The following SH3PXD2A variants were observed in gnomAD, a reference collection of about 807,000 sequenced individuals.
SH3PXD2A encodes SH3 and PX domain-containing protein 2A.
SH3PXD2A carries 32 observed loss-of-function variants against 115.2 expected under a neutral mutation model. The ratio of observed to expected loss-of-function variants is 0.28; its 90% CI spans 0.21 to 0.37. The LOEUF (loss-of-function observed/expected upper bound fraction) is 0.37. Among genes scored for constraint, SH3PXD2A ranks in the 10% least tolerant of loss-of-function variants. SH3PXD2A has a pLI of 1.00. For missense variants in SH3PXD2A, 1,328 were observed against 1,498.7 expected (o/e 0.89, Z 1.88); for synonymous variants, 610 against 629.1 (o/e 0.97, Z 0.45).
chr10:103,790,279 C>T (rs542252726), intron 2 of SH3PXD2A, among the ~76,000 whole-genome samples: 107 of 152,062 alleles, frequency 7.0e-4, no homozygotes, highest in African/African-American at 1.3e-3. Context: ...CTCAGCCTCC[C>T]GGGTAGCTGG....
rs959798954 is a variant in SH3PXD2A at position 103,821,427 on chromosome 10, C to T, written c.73-20065G>A. 2.0e-5 allele frequency among the ~76,000 whole-genome samples: 3 copies of T among 152,176 alleles called. No homozygotes were observed. The South Asian group carries it at 6.2e-4, about 31-fold the overall frequency. ...TACAGGCGTGAGCCACCACACCTGG[C>T]GTTCATTCTTTTTATTTCCTAGATT... is the stretch of plus-strand genomic sequence containing the variant. On this transcript the variant is annotated intron_variant, in intron 1 of 14. Coordinates refer to ENST00000369774, the MANE Select transcript of SH3PXD2A (RefSeq NM_001394015.1).
intron 8 of SH3PXD2A, among the ~76,000 whole-genome samples, chr10:103,638,710 C>T (rs1391208768): frequency 2.6e-5 from 4 of 152,230 alleles, no homozygotes. Flanking sequence ...CCTTGAAAAG[C>T]CTTCAGAATA....
chr10:103,787,090 C>G (rs536449625), intron 2 of SH3PXD2A, among the ~76,000 whole-genome samples: 1 of 152,332 alleles, frequency 6.6e-6, no homozygotes, highest in East Asian at 1.9e-4. Context: ...ACTTATCAAG[C>G]CTATCTGAAC....
chr10:103,654,092 C>G (rs2037173289), intron 8 of SH3PXD2A, among the ~76,000 whole-genome samples: 1 of 152,116 alleles, frequency 6.6e-6, no homozygotes, highest in Non-Finnish European at 1.5e-5. Flanking sequence ...CTTGTCTTCA[C>G]CCCTGACACT....
intron 6 of SH3PXD2A, chr10:103,678,214 C>G (rs895317133): frequency 2.5e-6 from 3 of 1,220,250 alleles, no homozygotes; most frequent in Admixed American, 2.3e-5. Flanking sequence ...CTGGGAGCCC[C>G]TGAGCCTTTC....
At chr10:103,625,161 C>A (rs1482869006) in intron 9 of SH3PXD2A, among the ~76,000 whole-genome samples, 1 of 152,214 alleles carries the variant, frequency 6.6e-6, no homozygotes, top group African/African-American at 2.4e-5. Flanking sequence ...AAAGCACCTG[C>A]CTTCTGTTCC....
chr10:103,788,907 G>A (rs2039005670), intron 2 of SH3PXD2A, among the ~76,000 whole-genome samples: 1 of 152,068 alleles, frequency 6.6e-6, no homozygotes, highest in Non-Finnish European at 1.5e-5. Context: ...ATAAACTAGT[G>A]TCCCTGAGAC....
chr10:103,693,782 T>TG (rs1012643806), intron 5 of SH3PXD2A, among the ~76,000 whole-genome samples: 5 of 151,012 alleles, frequency 3.3e-5, no homozygotes, highest in Admixed American at 6.6e-5. Context: ...GAGCGGGTAG[T>TG]GGGGGGGACA....
chr10:103,613,213 C>T (rs202185501), intron 11 of SH3PXD2A, 23 bp from the exon 12 acceptor site: 23 of 1,554,866 alleles, frequency 1.5e-5, no homozygotes, highest in Non-Finnish European at 2.0e-5. Flanking sequence ...GCAGGATGTG[C>T]TATCATTAGA....
chr10:103,615,538 TG>T (rs138417137), intron 11 of SH3PXD2A, among the ~76,000 whole-genome samples: 1,423 of 75,036 alleles, frequency 0.019, 20 homozygotes, highest in African/African-American at 0.057. Flanking sequence ...GTGTAGGGGT[TG>T]GGGGAGGAGA....
At chr10:103,814,141 G>A (rs1406502099) in intron 1 of SH3PXD2A, among the ~76,000 whole-genome samples, 4 of 152,010 alleles carry the variant, frequency 2.6e-5, no homozygotes, top group Non-Finnish European at 4.4e-5. Flanking sequence ...TTTTCTCAAA[G>A]TTCTGCTTCC....
chr10:103,770,829 GA>G lies in SH3PXD2A; in HGVS notation c.154-3661del, dbSNP rs575234259. 3.7e-4 allele frequency among the ~76,000 whole-genome samples: 57 copies of G among 152,284 alleles called. 1 individual carries two copies. Among genetic ancestry groups the G allele is most frequent in the Admixed American group, 1.7e-3 (26 of 15,306 alleles). On this transcript the variant is annotated intron_variant, in intron 2 of 14. Coordinates refer to ENST00000369774, the MANE Select transcript of SH3PXD2A (RefSeq NM_001394015.1). ...ACTGTTGGATATTTAGGTTGTTTCTGACTTCTCACTACTATATATAGCACTG... is the reference window on the plus strand; with the variant it reads ...ACTGTTGGATATTTAGGTTGTTTCTGCTTCTCACTACTATATATAGCACTG...
At chr10:103,669,572 C>T (rs116844283) in intron 6 of SH3PXD2A, among the ~76,000 whole-genome samples, 2,449 of 152,312 alleles carry the variant, frequency 0.016, 24 homozygotes, top group Middle Eastern at 0.034. Flanking sequence ...CTCATTTAGT[C>T]CCCATGGCAA....
chr10:103,776,591 G>A, intron 2 of SH3PXD2A, among the ~76,000 whole-genome samples: 1 of 152,070 alleles, frequency 6.6e-6, no homozygotes, highest in East Asian at 1.9e-4. Context: ...GGTATGGGCA[G>A]GTTGGTTCCC....
At chr10:103,661,902 G>A in intron 7 of SH3PXD2A, 1 of 985,128 alleles carries the variant, frequency 1.0e-6, no homozygotes. Context: ...GGCGAGCCCA[G>A]CCCGCCCCCC....
At chr10:103,731,710 T>C (rs932918717) in intron 4 of SH3PXD2A, among the ~76,000 whole-genome samples, 7 of 152,124 alleles carry the variant, frequency 4.6e-5, no homozygotes, top group African/African-American at 1.7e-4. Context: ...AGAACAACAT[T>C]ACTCTCCTCA....
intron 3 of SH3PXD2A, among the ~76,000 whole-genome samples, chr10:103,765,637 C>T (rs2038746258): frequency 6.6e-6 from 1 of 152,214 alleles, no homozygotes; most frequent in African/African-American, 2.4e-5. Flanking sequence ...CTGGAGCAAA[C>T]AGGCGACCTT....
rs2038503566 is a variant in SH3PXD2A at position 103,746,407 on chromosome 10, C to A, written c.230-10599G>T. On this transcript the variant is annotated intron_variant, in intron 3 of 14. Coordinates refer to ENST00000369774, the MANE Select transcript of SH3PXD2A (RefSeq NM_001394015.1). The surrounding 1 kb of genome is among the most constrained non-coding windows in gnomAD (Gnocchi z 4.4). ...TGATCTCGGCTCACTGCAATCTCTG[C>A]CTCCCGGGTTCAAGTGATTCTCCCA... Among the ~76,000 whole-genome samples the A allele has an allele frequency of 6.6e-6, 1 of 152,146 alleles. No individual in the cohort carries two copies. The highest frequency in any genetic ancestry group is 6.5e-5 in the Admixed American group (1 of 15,274).
At chr10:103,671,289 C>T (rs2037455015) in intron 6 of SH3PXD2A, among the ~76,000 whole-genome samples, 1 of 152,148 alleles carries the variant, frequency 6.6e-6, no homozygotes, top group Non-Finnish European at 1.5e-5. Flanking sequence ...AAAGCAGCCA[C>T]AGGCAATACA....
Sources: allele counts gnomAD v4.1 joint callset (sites outside exome capture counted in the v4.1 genomes callset), GRCh38; gene constraint gnomAD v4.1.1; non-coding constraint Gnocchi (gnomAD v3.1); transcripts MANE v1.5; gene names NCBI Gene and HGNC (gene_info 2026-07-23, HGNC 2026-07-21).